TTC27: variants seen among roughly 807,000 people sequenced by gnomAD.
TTC27 encodes tetratricopeptide repeat domain 27.
In TTC27, 79 loss-of-function variants were observed where a neutral mutation model predicts 115.9. The ratio of observed to expected loss-of-function variants is 0.68; its 90% confidence interval spans 0.57 to 0.82. The LOEUF (loss-of-function observed/expected upper bound fraction) is 0.82. Ranked by LOEUF, TTC27 falls within the 40% of genes least tolerant of loss-of-function variation. TTC27 has a pLI of 0.00. For synonymous variants in TTC27, 401 were observed against 356.0 expected (o/e 1.13, Z -1.42); for missense variants, 1,054 against 993.1 (o/e 1.06, Z -0.82).
chr2:32,798,587 C>A (rs1442736939), intron 16 of TTC27, among the ~76,000 whole-genome samples: 2 of 150,584 alleles, frequency 1.3e-5, no homozygotes, highest in Non-Finnish European at 3.0e-5. Context: ...CGCCTGTGGT[C>A]CTAGCTACTC....
At chr2:32,664,233 A>G (rs2151879155) in intron 5 of TTC27, 70 bp from the exon 6 acceptor site, 2 of 1,341,572 alleles carry the variant, frequency 1.5e-6, no homozygotes, top group South Asian at 2.9e-5. Context: ...TGTATTATAG[A>G]CTCTATTTTA....
At chr2:32,694,821 C>T (rs745732698) in intron 9 of TTC27, among the ~76,000 whole-genome samples, 1 of 151,608 alleles carries the variant, frequency 6.6e-6, no homozygotes, top group Non-Finnish European at 1.5e-5. Context: ...CAGAGGTGTG[C>T]ACTGCCACAC....
chr2:32,752,750 G>A (rs2147985958), intron 12 of TTC27, among the ~76,000 whole-genome samples: 1 of 152,232 alleles, frequency 6.6e-6, no homozygotes, highest in East Asian at 1.9e-4. Flanking sequence ...TACTCTGCTG[G>A]TACAGGAAAC....
chr2:32,732,866 A>G (rs1173916442), intron 10 of TTC27, among the ~76,000 whole-genome samples: 1 of 152,188 alleles, frequency 6.6e-6, no homozygotes, highest in Non-Finnish European at 1.5e-5. Flanking sequence ...GTCAACTGGC[A>G]AAAAAAGAAA....
intron 10 of TTC27, among the ~76,000 whole-genome samples, chr2:32,714,469 A>G (rs757876963): frequency 1.3e-5 from 2 of 151,448 alleles, no homozygotes; most frequent in East Asian, 1.9e-4. Flanking sequence ...GGCCTACCCC[A>G]TTTTCTTTAT....
intron 16 of TTC27, among the ~76,000 whole-genome samples, chr2:32,787,741 G>A (rs72787581): frequency 0.013 from 1,951 of 152,232 alleles, 18 homozygotes; most frequent in Non-Finnish European, 0.022. Context: ...GCTGTCTTCA[G>A]TGTAAAGTGA....
chr2:32,633,752 T>C (rs1204334196), intron 2 of TTC27, 124 bp from the exon 3 acceptor site: 4 of 1,173,678 alleles, frequency 3.4e-6, no homozygotes, highest in African/African-American at 1.6e-5. Flanking sequence ...GGTAATACTC[T>C]AGGATAGTCT....
chr2:32,766,412 G>A (rs768124560), intron 13 of TTC27: 8 of 305,306 alleles, frequency 2.6e-5, no homozygotes, highest in Non-Finnish European at 4.0e-5. Flanking sequence ...TTACTTGAAC[G>A]CTGAGAGGCA....
At chr2:32,713,849 A>G (rs1667665377) in intron 10 of TTC27, among the ~76,000 whole-genome samples, 1 of 152,114 alleles carries the variant, frequency 6.6e-6, no homozygotes, top group South Asian at 2.1e-4. Flanking sequence ...GTTTTGGTGT[A>G]CAGATTATTT....
At chr2:32,645,691 C>T (rs1264763582) in intron 4 of TTC27, among the ~76,000 whole-genome samples, 1 of 151,812 alleles carries the variant, frequency 6.6e-6, no homozygotes, top group Non-Finnish European at 1.5e-5. Flanking sequence ...TAATGCTATC[C>T]CTCCCGCCTC....
chr2:32,810,074 C>T (rs1406232903), intron 16 of TTC27, among the ~76,000 whole-genome samples: 1 of 147,794 alleles, frequency 6.8e-6, no homozygotes, highest in South Asian at 2.1e-4. Flanking sequence ...GAGATCATAC[C>T]ACTGCACTCC....
At chr2:32,764,072 A>G (rs1369195449) in intron 13 of TTC27, among the ~76,000 whole-genome samples, 1 of 152,152 alleles carries the variant, frequency 6.6e-6, no homozygotes, top group African/African-American at 2.4e-5. Context: ...AAAGAGAAAT[A>G]TTATGTCCTG....
At chr2:32,698,028 C>G (rs1213237574) in intron 9 of TTC27, among the ~76,000 whole-genome samples, 1 of 152,106 alleles carries the variant, frequency 6.6e-6, no homozygotes, top group African/African-American at 2.4e-5. Context: ...GCCACTGTGC[C>G]TGGCCAGTAA....
At chr2:32,785,562 C>T (rs1670319601) in intron 15 of TTC27, among the ~76,000 whole-genome samples, 1 of 152,010 alleles carries the variant, frequency 6.6e-6, no homozygotes, top group African/African-American at 2.4e-5. Flanking sequence ...TGACTATGTG[C>T]ATTCTAGTTT....
rs202170602 is a variant in TTC27, at chr2:32,649,545, A to AT, written c.538-569dup. On this transcript the variant is annotated intron_variant, in intron 4 of 19. Transcript: ENST00000317907. ...TGCCACAGAGCAGGATGAATACAAC[A>AT]TTTTTTTTTTTTTTTTTGAGACAGG... Among the ~76,000 whole-genome samples the AT allele has an allele frequency of 8.5e-3, 1,157 of 136,318 alleles. 8 individuals are homozygous for AT. Among genetic ancestry groups the AT allele is most frequent in the African/African-American group, 0.017 (621 of 37,338 alleles). The allele number at this position is 136,318 out of a possible 152,430, so 89.4% of individuals were successfully genotyped here. A position where few individuals can be genotyped will look rare whatever the true frequency, so the allele number is the denominator to read the frequency against.
intron 16 of TTC27, among the ~76,000 whole-genome samples, chr2:32,805,412 C>T (rs930067843): frequency 2.0e-5 from 3 of 152,196 alleles, no homozygotes; most frequent in African/African-American, 7.2e-5. Context: ...TGCTGTGTAA[C>T]CATGAGAAAG....
At chr2:32,706,075 C>CTTTTTTTTTTTTTTTTT (rs757011051) in intron 10 of TTC27, among the ~76,000 whole-genome samples, 1 of 83,050 alleles carries the variant, frequency 1.2e-5, no homozygotes, top group Non-Finnish European at 2.4e-5. Context: ...ATTTACCTTA[C>CTTTTTTTTTTTTTTTTT]TCTTTTTTTT....
chr2:32,649,787 G>A (rs1665016996), intron 4 of TTC27, among the ~76,000 whole-genome samples: 1 of 151,962 alleles, frequency 6.6e-6, no homozygotes. Flanking sequence ...CTTGTGATCT[G>A]CCCGCCTCGG....
chr2:32,801,389 G>A (rs946112919), intron 16 of TTC27, among the ~76,000 whole-genome samples: 4 of 152,098 alleles, frequency 2.6e-5, no homozygotes, highest in African/African-American at 7.2e-5. Context: ...GGCTCCTGGC[G>A]TTCCTCGGCT....
Sources: gnomAD v4.1 joint callset for allele counts (sites outside exome capture counted in the v4.1 genomes callset) on GRCh38, gnomAD v4.1.1 for gene constraint, MANE v1.5 for transcripts, NCBI Gene and HGNC (gene_info 2026-07-23, HGNC 2026-07-21) for gene names.